The following ITFG1 variants were observed in gnomAD, a reference collection of about 807,000 sequenced individuals.
The protein encoded by ITFG1 is T-cell immunomodulatory protein.
ITFG1 carries 34 observed loss-of-function variants against 81.8 expected under a neutral mutation model. The observed-to-expected ratio is 0.42, with a 90% confidence interval of 0.32 to 0.55. The LOEUF (loss-of-function observed/expected upper bound fraction) is 0.55, where lower values mean the gene tolerates loss of function less well. ITFG1 is among the 20% of genes least tolerant of loss of function. The pLI, the probability that ITFG1 is intolerant of heterozygous loss-of-function variation, is 0.17. For synonymous variants in ITFG1, 285 were observed against 270.6 expected, an observed-to-expected ratio of 1.05 and a Z score of -0.52; for missense variants, 672 against 755.4, an observed-to-expected ratio of 0.89 and a Z score of 1.29.
At chr16:47,350,794 G>C (rs1437640537) in intron 8 of ITFG1, among the ~76,000 whole-genome samples, 1 of 152,146 alleles carries the variant, frequency 6.6e-6, no homozygotes, top group East Asian at 1.9e-4. Context: ...TCCCTGATGA[G>C]CATCGATGCA....
At chr16:47,206,728 C>A (rs1965504179) in intron 14 of ITFG1, among the ~76,000 whole-genome samples, 1 of 152,182 alleles carries the variant, frequency 6.6e-6, no homozygotes, top group African/African-American at 2.4e-5. Flanking sequence ...CCATAGTAGT[C>A]CATGAAGAAG....
chr16:47,326,541 T>C (rs1351226104), intron 8 of ITFG1, among the ~76,000 whole-genome samples: 1 of 152,178 alleles, frequency 6.6e-6, no homozygotes, highest in Non-Finnish European at 1.5e-5. Flanking sequence ...ATTGTCCCTG[T>C]TTGCAGATGA....
chr16:47,250,169 T>A (rs2151538487), intron 12 of ITFG1, among the ~76,000 whole-genome samples: 1 of 152,308 alleles, frequency 6.6e-6, no homozygotes, highest in East Asian at 1.9e-4. Context: ...TAGACGACAT[T>A]ATTTTAGATA....
At chr16:47,261,425 C>G (rs1415000256) in intron 10 of ITFG1, among the ~76,000 whole-genome samples, 1 of 152,134 alleles carries the variant, frequency 6.6e-6, no homozygotes, top group African/African-American at 2.4e-5. Context: ...TAGAACAACT[C>G]CTGGCATCCA....
At chr16:47,332,391 T>A (rs1967648282) in intron 8 of ITFG1, among the ~76,000 whole-genome samples, 1 of 152,078 alleles carries the variant, frequency 6.6e-6, no homozygotes, top group Non-Finnish European at 1.5e-5. Flanking sequence ...GCACAAGGAA[T>A]TCTATAGCAG....
chr16:47,372,915 A>G lies in ITFG1; in HGVS notation c.720+2961T>C, dbSNP rs908621932. On this transcript the variant is annotated intron_variant, in intron 7 of 17. Transcript: ENST00000320640. ...TATAAATTCCTCCTAAATTTACTAT[A>G]AACTTTAATCTCCCTACGTCCAGAT... Among the ~76,000 whole-genome samples the G allele has an allele frequency of 2.0e-5, 3 of 152,212 alleles. No individual in the cohort carries two copies. In the South Asian group the frequency reaches 6.2e-4, roughly 32 times the overall value.
chr16:47,459,136 G>A lies in ITFG1; in HGVS notation c.248C>T (p.Pro83Leu). The A allele has an allele frequency of 6.3e-7, 1 of 1,599,708 alleles. No individual in the cohort carries two copies. The highest frequency in any genetic ancestry group is 8.6e-7 in the Non-Finnish European group (1 of 1,167,424). Reference protein sequence around the residue: ...LIVFLADQNAPYFKPKVKVSF... With the variant: ...LIVFLADQNALYFKPKVKVSF... ...TACCTTTACTTTGGGTTTAAAATAG[G>A]GTGCATTCTGGTCTGCCAAAAAGAC... Residue 83 changes from proline to leucine, a missense_variant, in exon 2 of 18, where the codon CCC becomes CTC. Around this residue, in one of 3 missense-constraint regions of ITFG1, gnomAD observed 560 missense variants for 625.7 expected, o/e 0.90. Transcript: ENST00000320640.
At chr16:47,320,333 C>T (rs1215053187) in intron 8 of ITFG1, among the ~76,000 whole-genome samples, 3 of 152,110 alleles carry the variant, frequency 2.0e-5, no homozygotes, top group Non-Finnish European at 4.4e-5. Flanking sequence ...TTTATGGCTT[C>T]CATGTTTTGC....
Position 47,460,968 on chromosome 16 carries a change from G to A in ITFG1, c.78C>T (p.Val26=), listed in dbSNP as rs763252940. ...GCAGCGCCCGCGCTGGGACCGGCCC[G>A]ACTCCCAGTAGTGCAAGCCCTGCGA... ...PLLAGLALLG[V]GPVPARALHN... Residue 26 remains valine (V), a synonymous_variant, in exon 1 of 18, where the codon GTC becomes GTT. Transcript: ENST00000320640. 36 of 1,601,290 alleles carry A rather than the reference G, an allele frequency of 2.2e-5. No individual in the cohort carries two copies. In the East Asian group the frequency reaches 7.2e-4, roughly 32 times the overall value.
At chr16:47,317,842 T>C (rs1308566861) in intron 8 of ITFG1, 8 of 152,216 alleles carry the variant, frequency 5.3e-5, no homozygotes, top group Non-Finnish European at 1.0e-4. Flanking sequence ...GAACTCTCTG[T>C]ATCCCTTCCT....
intron 6 of ITFG1, chr16:47,396,237 T>C (rs1968591455): frequency 2.3e-6 from 2 of 854,106 alleles, no homozygotes; most frequent in Non-Finnish European, 2.8e-6. Context: ...CAAAATGGAG[T>C]AGGTACAGCT....
chr16:47,199,773 A>C (rs1231549902), intron 14 of ITFG1, among the ~76,000 whole-genome samples: 1 of 152,182 alleles, frequency 6.6e-6, no homozygotes, highest in Non-Finnish European at 1.5e-5. Flanking sequence ...TAATGAAATA[A>C]TTATACAACT....
rs149989295 is a variant in ITFG1, at chr16:47,376,736, G to C, written c.656-796C>G. On this transcript the variant is annotated intron_variant, in intron 6 of 17. Transcript: ENST00000320640. ...GGCGCTGTGGCTCACGCCTATAATC[G>C]CAGCACTTTGGGAAGCCGAGGTGGC... Among the ~76,000 whole-genome samples, 562 of 151,978 alleles carry C rather than the reference G, an allele frequency of 3.7e-3. 5 individuals are homozygous for C. Among genetic ancestry groups the C allele is most frequent in the African/African-American group, 0.013 (531 of 41,476 alleles).
At chr16:47,183,265 G>T (rs953237540) in intron 14 of ITFG1, among the ~76,000 whole-genome samples, 12 of 152,302 alleles carry the variant, frequency 7.9e-5, no homozygotes, top group African/African-American at 2.9e-4. Context: ...GCTCGAACTG[G>T]GTGGAGCCCA....
intron 12 of ITFG1, among the ~76,000 whole-genome samples, chr16:47,250,725 T>C (rs1158989183): frequency 2.8e-4 from 42 of 152,230 alleles, no homozygotes. Context: ...GACAGATATC[T>C]TGAGAAATTC....
At position 47,245,293 on chromosome 16, in the gene ITFG1, G is replaced by A. The variant is rs189188736; in HGVS notation, c.1331-7285C>T. 2.6e-5 allele frequency among the ~76,000 whole-genome samples: 4 copies of A among 151,900 alleles called. No homozygotes were observed. In the East Asian group the frequency reaches 7.7e-4, roughly 29 times the overall value. ...GAACCCAGGAGGTGGAGGTTGCAGT[G>A]AGCTGAGATCATGCCATTGCATTCC... On this transcript the variant is annotated intron_variant, in intron 12 of 17. Transcript: ENST00000320640.
intron 5 of ITFG1, among the ~76,000 whole-genome samples, chr16:47,444,391 C>T (rs1487539332): frequency 6.6e-6 from 1 of 152,074 alleles, no homozygotes; most frequent in African/African-American, 2.4e-5. Flanking sequence ...GCATAGTCAA[C>T]TCTGGGGTCT....
At chr16:47,276,071 T>TA (rs1225552899) in intron 10 of ITFG1, among the ~76,000 whole-genome samples, 2 of 151,936 alleles carry the variant, frequency 1.3e-5, no homozygotes, top group African/African-American at 4.8e-5. Context: ...GCAATAAGAC[T>TA]AAAAAAGAAA....
chr16:47,415,686 T>C (rs778688119), intron 6 of ITFG1, among the ~76,000 whole-genome samples: 8 of 152,172 alleles, frequency 5.3e-5, no homozygotes, highest in Non-Finnish European at 1.2e-4. Context: ...ATCATAATGA[T>C]TGGATCCAAT....
Sources: gnomAD v4.1 joint callset for allele counts (sites outside exome capture counted in the v4.1 genomes callset) on GRCh38, gnomAD v4.1.1 for gene constraint, gnomAD v4.1.1 regional missense constraint, MANE v1.5 for transcripts, NCBI Gene and HGNC (gene_info 2026-07-23, HGNC 2026-07-21) for gene names.